Variants in SCUBE2 observed in about 807,000 individuals in gnomAD.
SCUBE2 encodes the protein signal peptide, CUB domain and EGF like domain containing 2.
In SCUBE2, 114 loss-of-function variants were observed where a neutral mutation model predicts 125.9. That is an observed-to-expected ratio of 0.91 (90% confidence interval 0.78 to 1.06). The LOEUF (loss-of-function observed/expected upper bound fraction) is 1.06, where lower values mean the gene tolerates loss of function less well. Among genes scored for constraint, SCUBE2 ranks in the 50% least tolerant of loss-of-function variants. The pLI is 0.00. For synonymous variants in SCUBE2, 459 were observed against 492.9 expected (o/e 0.93, Z 0.91); for missense variants, 1,255 against 1,301.8 (o/e 0.96, Z 0.55).
At chr11:9,068,916 C>A (rs2135748145) in intron 5 of SCUBE2, among the ~76,000 whole-genome samples, 1 of 152,296 alleles carries the variant, frequency 6.6e-6, no homozygotes, top group East Asian at 1.9e-4. Context: ...TGAGAGTCCA[C>A]CACGCCAGGA....
rs756448080 is a variant in SCUBE2, at chr11:9,029,910, C to T, written c.2477G>A (p.Gly826Asp). 51 of 1,613,996 alleles carry T rather than the reference C, an allele frequency of 3.2e-5. No individual in the cohort carries two copies. Among genetic ancestry groups the T allele is most frequent in the South Asian group, 5.5e-5 (5 of 91,086 alleles). The change falls in exon 19 of 23, where the codon GGC becomes GAC. Residue 826 changes from glycine to aspartate, a missense_variant. Around this residue, in one of 3 missense-constraint regions of SCUBE2, gnomAD observed 515 missense variants for 515.7 expected, o/e 1.00. Transcript: ENST00000649792. ...CPGNTTTDFDGSTNITQCKNR... is the reference protein window; with the variant it reads ...CPGNTTTDFDDSTNITQCKNR... ...TTTACACTGGGTTATGTTTGTGGAGCCATCAAAGTCAGTCGTAGTATTTCC... is the reference window on the plus strand; with the variant it reads ...TTTACACTGGGTTATGTTTGTGGAGTCATCAAAGTCAGTCGTAGTATTTCC...
Position 9,030,004 on chromosome 11 carries a change from G to A in SCUBE2, c.2383C>T (p.Arg795Ter), listed in dbSNP as rs750105760. Reference sequence around the variant, plus strand: ...GTTCCCACTGGGCAACGAATACATCGGTGAGTGGTGGTGTTGTAGAAATGT... The same window carrying A: ...GTTCCCACTGGGCAACGAATACATCAGTGAGTGGTGGTGTTGTAGAAATGT... ...PGHFYNTTTH[R>*]CIRCPVGTYQ... The change falls in exon 19 of 23, where the codon CGA (arginine) becomes TGA (stop). Residue 795 changes from arginine to a stop codon, truncating the protein, a stop_gained. Transcript: ENST00000649792. LOFTEE classifies it high-confidence loss of function. The A allele has an allele frequency of 1.4e-5, 23 of 1,614,042 alleles. No homozygotes were observed. The highest frequency in any genetic ancestry group is 2.2e-5 in the East Asian group (1 of 44,900).
At chr11:9,025,678 C>T (rs1422310919) in intron 21 of SCUBE2, 24 bp downstream of exon 21, 5 of 1,612,938 alleles carry the variant, frequency 3.1e-6, no homozygotes, top group Admixed American at 1.7e-5. Context: ...GACGCTCTTT[C>T]CATGTGCTGC....
intron 16 of SCUBE2, among the ~76,000 whole-genome samples, chr11:9,036,395 G>A (rs1002865881): frequency 1.3e-5 from 2 of 152,060 alleles, no homozygotes; most frequent in Non-Finnish European, 1.5e-5. Context: ...ACGAACTCAC[G>A]TTTTACCCTG....
At position 9,021,330 on chromosome 11, in the gene SCUBE2, C is replaced by G. The variant is rs1037275472; in HGVS notation, c.2935-133G>C. The G allele has an allele frequency of 4.8e-5, 29 of 600,558 alleles. No individual in the cohort carries two copies. In the African/African-American group the frequency reaches 5.4e-4, roughly 11 times the overall value. 37.2% of individuals were successfully genotyped at this position (600,558 alleles called of 1,614,324 possible). ...AAAACACTTGCAAAAATTGTTTCCT[C>G]TGATTTTTATCTTCTTTCCAGTTTT... is the stretch of plus-strand genomic sequence containing the variant. On this transcript the variant is annotated intron_variant, in intron 22 of 22. Transcript: ENST00000649792.
At chr11:9,047,281 A>G in intron 16 of SCUBE2, 75 bp downstream of exon 16, 1 of 1,487,912 alleles carries the variant, frequency 6.7e-7, no homozygotes, top group Non-Finnish European at 9.3e-7. Flanking sequence ...GATGGGCCAG[A>G]CTTGCCTTCG....
chr11:9,060,532 G>A lies in SCUBE2; in HGVS notation c.851-8C>T, dbSNP rs1163771339. On this transcript the variant is annotated splice_region_variant and splice_polypyrimidine_tract_variant and intron_variant, in intron 7 of 22. Transcript: ENST00000649792. ...TGTTGACAGCACACGTTTCTGGCAA[G>A]GAGGTAAGAAAAGACAATTAGCTTC... 3.7e-6 allele frequency: 6 copies of A among 1,610,688 alleles called. No individual in the cohort carries two copies. Among genetic ancestry groups the A allele is most frequent in the African/African-American group, 2.7e-5 (2 of 74,886 alleles).
In SCUBE2 at chr11:9,037,048, TC is replaced by T. The variant is rs567779275; in HGVS notation, c.2003-3253del. 2.0e-5 allele frequency among the ~76,000 whole-genome samples: 3 copies of T among 152,362 alleles called. No homozygotes were observed. In the South Asian group the frequency reaches 6.2e-4, roughly 32 times the overall value. ...CAAGCACCTCCCAAATATATTTGAT[TC>T]TTTCACAAGGTAAAAATGAGCTAAA... On this transcript the variant is annotated intron_variant, in intron 16 of 22. Transcript: ENST00000649792.
At chr11:9,024,177 C>G in intron 21 of SCUBE2, 9 of 1,057,776 alleles carry the variant, frequency 8.5e-6, no homozygotes, top group Non-Finnish European at 1.0e-5. Flanking sequence ...TAAAAAAAAT[C>G]AAGACATTTT....
At chr11:9,061,911 A>G (rs1427778395) in intron 7 of SCUBE2, among the ~76,000 whole-genome samples, 5 of 152,240 alleles carry the variant, frequency 3.3e-5, no homozygotes, top group Non-Finnish European at 7.3e-5. Context: ...GTATCAAGTT[A>G]TTCTAGAGGC....
intron 22 of SCUBE2, 68 bp from the exon 23 acceptor site, chr11:9,021,265 C>T: frequency 7.2e-7 from 1 of 1,385,748 alleles, no homozygotes; most frequent in South Asian, 1.8e-5. Flanking sequence ...GCCCATGGAA[C>T]TATAATGACC....
chr11:9,048,586 C>T (rs1352829198), intron 14 of SCUBE2, among the ~76,000 whole-genome samples: 1 of 152,224 alleles, frequency 6.6e-6, no homozygotes, highest in Non-Finnish European at 1.5e-5. Flanking sequence ...AAAGCTGGAA[C>T]ACCCGTCAGC....
chr11:9,076,615 TAA>T (rs34751136), intron 3 of SCUBE2, among the ~76,000 whole-genome samples: 105,553 of 151,588 alleles, frequency 0.7, 40,587 homozygotes, highest in Non-Finnish European at 0.87. Flanking sequence ...AAGGCTGATA[TAA>T]AAAATCAATT....
chr11:9,054,725 A>ATATATATATATATATTT (rs1368153935), intron 10 of SCUBE2, among the ~76,000 whole-genome samples: 6 of 22,344 alleles, frequency 2.7e-4, no homozygotes, highest in Admixed American at 7.5e-4. Flanking sequence ...ATATATATAT[A>ATATATATATATATATTT]TTTTTTTTTT....
chr11:9,053,269 A>G, intron 11 of SCUBE2, 54 bp from the exon 12 acceptor site: 27 of 1,483,654 alleles, frequency 1.8e-5, no homozygotes, highest in Non-Finnish European at 2.5e-5. Context: ...TCCAAGTGTG[A>G]CAAGGATGGT....
chr11:9,024,574 C>T (rs1855565603), intron 21 of SCUBE2, among the ~76,000 whole-genome samples: 1 of 152,196 alleles, frequency 6.6e-6, no homozygotes, highest in Non-Finnish European at 1.5e-5. Flanking sequence ...AGGCTCTTCA[C>T]AGCTGAACCC....
At chr11:9,035,132 A>T (rs1363339196) in intron 16 of SCUBE2, among the ~76,000 whole-genome samples, 1 of 152,244 alleles carries the variant, frequency 6.6e-6, no homozygotes, top group East Asian at 1.9e-4. Flanking sequence ...TATGAAGCAA[A>T]CATACCAAAT....
At chr11:9,024,613 C>T (rs1216330116) in intron 21 of SCUBE2, among the ~76,000 whole-genome samples, 2 of 152,184 alleles carry the variant, frequency 1.3e-5, no homozygotes, top group African/African-American at 2.4e-5. Context: ...TCTCTCACTG[C>T]CAAGCCCCAC....
At chr11:9,056,634 G>A (rs1352733474) in intron 9 of SCUBE2, among the ~76,000 whole-genome samples, 1 of 152,140 alleles carries the variant, frequency 6.6e-6, no homozygotes, top group Non-Finnish European at 1.5e-5. Context: ...CTGCAGCGGG[G>A]GTCATGCACA....
Sources: allele counts gnomAD v4.1 joint callset (sites outside exome capture counted in the v4.1 genomes callset), GRCh38; gene constraint gnomAD v4.1.1; regional missense constraint gnomAD v4.1.1; transcripts MANE v1.5; gene names NCBI Gene and HGNC (gene_info 2026-07-23, HGNC 2026-07-21).